The following IFT25 variants were observed in gnomAD, a reference collection of about 807,000 sequenced individuals.
IFT25 encodes intraflagellar transport 25, also known as intraflagellar transport protein 25 homolog.
At chr1:53,936,340 C>T in the IFT25 span, among the ~76,000 whole-genome samples, 2 of 152,060 alleles carry the variant, frequency 1.3e-5, no homozygotes, top group African/African-American at 4.8e-5. Context: ...GTCCCAGCTA[C>T]TCAGGAGGCT....
At chr1:53,938,372 T>C in the IFT25 span, among the ~76,000 whole-genome samples, 1 of 152,072 alleles carries the variant, frequency 6.6e-6, no homozygotes, top group African/African-American at 2.4e-5. Context: ...ACATTAAAAA[T>C]AAACACTACA....
the IFT25 span, among the ~76,000 whole-genome samples, chr1:53,913,252 G>A: frequency 1.3e-5 from 2 of 152,148 alleles, no homozygotes; most frequent in African/African-American, 4.8e-5. Flanking sequence ...AGCTCCCTAT[G>A]GGATCAGACT....
chr1:53,926,771 G>A, the IFT25 span, among the ~76,000 whole-genome samples: 1 of 151,508 alleles, frequency 6.6e-6, no homozygotes, highest in South Asian at 2.1e-4. Flanking sequence ...CACCCAGGCT[G>A]GAGTGCAGTG....
chr1:53,932,725 T>A, the IFT25 span, among the ~76,000 whole-genome samples: 1 of 152,260 alleles, frequency 6.6e-6, no homozygotes, highest in African/African-American at 2.4e-5. Context: ...CCACCATGAC[T>A]GGCTAATTTT....
At chr1:53,941,775 G>T in the IFT25 span, among the ~76,000 whole-genome samples, 1 of 152,202 alleles carries the variant, frequency 6.6e-6, no homozygotes, top group Non-Finnish European at 1.5e-5. Context: ...AAAATTGGAA[G>T]TAGCAGTAAC....
chr1:53,929,295 C>G, the IFT25 span, among the ~76,000 whole-genome samples: 1 of 152,346 alleles, frequency 6.6e-6, no homozygotes, highest in Admixed American at 6.5e-5. Context: ...GGCTTCAGCT[C>G]TCACAGATCT....
At chr1:53,916,824 T>C in the IFT25 span, 5 of 396,300 alleles carry the variant, frequency 1.3e-5, no homozygotes, top group Non-Finnish European at 2.2e-5. Flanking sequence ...TTGAAATGCC[T>C]TTCCTACTCT....
At chr1:53,927,856 C>A in the IFT25 span, among the ~76,000 whole-genome samples, 1 of 152,196 alleles carries the variant, frequency 6.6e-6, no homozygotes, top group Non-Finnish European at 1.5e-5. Context: ...TGATCTCTCA[C>A]ATTTGCTTTA....
At chr1:53,928,668 G>C in the IFT25 span, 3 of 431,740 alleles carry the variant, frequency 6.9e-6, no homozygotes, top group African/African-American at 6.1e-5. Context: ...CACAGAGCAA[G>C]TAGAGCTTTT....
At chr1:53,931,485 T>C in the IFT25 span, among the ~76,000 whole-genome samples, 2 of 152,220 alleles carry the variant, frequency 1.3e-5, no homozygotes, top group African/African-American at 4.8e-5. Context: ...TCTCTATTTT[T>C]GAGAAAGTTT....
chr1:53,923,507 G>C, the IFT25 span: 1 of 177,552 alleles, frequency 5.6e-6, no homozygotes, highest in African/African-American at 2.4e-5. Context: ...CTATGCTCTA[G>C]TTCCCCTTAT....
the IFT25 span, chr1:53,923,624 C>T: frequency 3.2e-6 from 1 of 315,272 alleles, no homozygotes; most frequent in African/African-American, 2.2e-5. Context: ...TGAAAGAAAG[C>T]AAACCAAATA....
At chr1:53,928,019 A>G in the IFT25 span, among the ~76,000 whole-genome samples, 1 of 152,200 alleles carries the variant, frequency 6.6e-6, no homozygotes, top group Non-Finnish European at 1.5e-5. Flanking sequence ...TGCTGGTGAT[A>G]TTTAAATAGT....
the IFT25 span, among the ~76,000 whole-genome samples, chr1:53,914,499 C>T: frequency 0.11 from 16,214 of 151,506 alleles, 977 homozygotes; most frequent in African/African-American, 0.16. Context: ...AATTCATATC[C>T]CATTATAAAA....
At chr1:53,933,359 C>G in the IFT25 span, among the ~76,000 whole-genome samples, 1 of 152,066 alleles carries the variant, frequency 6.6e-6, no homozygotes, top group African/African-American at 2.4e-5. Context: ...TGGTCTCGAT[C>G]TCCTGACCTC....
At chr1:53,914,801 C>G in the IFT25 span, among the ~76,000 whole-genome samples, 1 of 152,184 alleles carries the variant, frequency 6.6e-6, no homozygotes, top group African/African-American at 2.4e-5. Flanking sequence ...ATGCCTCCCC[C>G]AGCCTGACCC....
the IFT25 span, among the ~76,000 whole-genome samples, chr1:53,914,020 C>T: frequency 6.6e-6 from 1 of 152,192 alleles, no homozygotes; most frequent in South Asian, 2.1e-4. Context: ...GCTAAGACAA[C>T]TTCCTTCATC....
chr1:53,944,866 C>G, the IFT25 span, among the ~76,000 whole-genome samples: 3 of 152,184 alleles, frequency 2.0e-5, no homozygotes, highest in African/African-American at 4.8e-5. Context: ...CGCTAGCTCA[C>G]ATGCCCTTTG....
At chr1:53,924,505 A>C in the IFT25 span, among the ~76,000 whole-genome samples, 1 of 152,242 alleles carries the variant, frequency 6.6e-6, no homozygotes, top group Non-Finnish European at 1.5e-5. Context: ...ATATCAAACA[A>C]TTCTTCTGGA....
Sources: gnomAD v4.1 joint callset for allele counts (sites outside exome capture counted in the v4.1 genomes callset) on GRCh38, gnomAD v4.1.1 for gene constraint, MANE v1.5 for transcripts, NCBI Gene and HGNC (gene_info 2026-07-23, HGNC 2026-07-21) for gene names.